The following NFIA variants were observed in gnomAD, a reference collection of about 807,000 sequenced individuals.
NFIA encodes nuclear factor 1 A-type.
A neutral mutation model predicts 62.8 loss-of-function variants in NFIA; 8 were observed. The ratio of observed to expected loss-of-function variants is 0.13; its 90% CI spans 0.07 to 0.23. NFIA has a LOEUF of 0.23. Among genes scored for constraint, NFIA ranks in the 10% least tolerant of loss-of-function variants. The probability of loss-of-function intolerance (pLI) is 1.00; values close to 1 mark genes in which losing one functional copy is unlikely to be tolerated. For missense variants in NFIA, 410 were observed against 642.1 expected (o/e 0.64, Z 3.91); for synonymous variants, 235 against 238.1 (o/e 0.99, Z 0.12).
intron 2 of NFIA, among the ~76,000 whole-genome samples, chr1:61,109,586 T>C (rs935341782): frequency 4.6e-5 from 7 of 152,006 alleles, no homozygotes; most frequent in South Asian, 2.1e-4. Flanking sequence ...TAAATAAATA[T>C]GAAAAATAAT....
At chr1:61,150,119 T>TA (rs1463638967) in intron 2 of NFIA, among the ~76,000 whole-genome samples, 1 of 152,158 alleles carries the variant, frequency 6.6e-6, no homozygotes, top group African/African-American at 2.4e-5. Context: ...GCAAGACCTT[T>TA]AAAAAATACA....
rs755426214 is a variant in NFIA, at chr1:61,185,635, CTTTTTTT to C, written c.560-91870_560-91864del. On this transcript the variant is annotated intron_variant, in intron 2 of 10. Transcript: ENST00000403491. ...TTCTGTATCTACCTTTCTAACCCCA[CTTTTTTT>C]TTTTTTTTTTTTTTAACCGTGACTC... is the stretch of plus-strand genomic sequence containing the variant. Among the ~76,000 whole-genome samples the C allele has an allele frequency of 1.5e-3, 192 of 130,674 alleles. 1 individual carries two copies. Among genetic ancestry groups the C allele is most frequent in the African/African-American group, 5.3e-3 (183 of 34,580 alleles). The allele number at this position is 130,674 out of a possible 152,430, so 85.7% of individuals were successfully genotyped here.
At chr1:61,377,463 AAC>A (rs1032000875) in intron 6 of NFIA, among the ~76,000 whole-genome samples, 3 of 152,142 alleles carry the variant, frequency 2.0e-5, no homozygotes, top group Non-Finnish European at 4.4e-5. Flanking sequence ...TTCTGGTAAT[AAC>A]AGTTATAAAA....
At chr1:61,090,517 C>T (rs760452673) in intron 2 of NFIA, among the ~76,000 whole-genome samples, 3 of 152,170 alleles carry the variant, frequency 2.0e-5, no homozygotes, top group African/African-American at 7.2e-5. Context: ...GTTCTCATTA[C>T]GTGCCTTCTT....
chr1:61,179,239 T>C (rs1346702524), intron 2 of NFIA, among the ~76,000 whole-genome samples: 1 of 152,236 alleles, frequency 6.6e-6, no homozygotes, highest in Non-Finnish European at 1.5e-5. Flanking sequence ...CTGATAAAGA[T>C]GCATCCAGAC....
chr1:61,404,292 C>T lies in NFIA; in HGVS notation c.1254+10C>T, dbSNP rs1484290538. On this transcript the variant is annotated intron_variant, in intron 8 of 10. Transcript: ENST00000403491. Reference sequence around the variant, plus strand: ...GGTGGGGTTCCTCAATGTAAGGAAACCTCTTTTTTTCCATTTCTTTAGAAA... The same window carrying T: ...GGTGGGGTTCCTCAATGTAAGGAAATCTCTTTTTTTCCATTTCTTTAGAAA... 3 of 1,590,658 alleles carry T rather than the reference C, an allele frequency of 1.9e-6. No individual in the cohort carries two copies. Among genetic ancestry groups the T allele is most frequent in the Non-Finnish European group, 2.6e-6 (3 of 1,170,570 alleles).
chr1:61,234,332 G>GC (rs1336205002), intron 2 of NFIA, among the ~76,000 whole-genome samples: 1 of 136,488 alleles, frequency 7.3e-6, no homozygotes, highest in Non-Finnish European at 1.5e-5. Flanking sequence ...GTGCCATTGC[G>GC]CCCCAGCCTG....
At chr1:61,188,228 T>G (rs1370349907) in intron 2 of NFIA, among the ~76,000 whole-genome samples, 2 of 151,966 alleles carry the variant, frequency 1.3e-5, no homozygotes, top group African/African-American at 4.8e-5. Context: ...GTATTTTTGG[T>G]AGAGATGGGA....
chr1:61,150,380 A>G (rs1398031803), intron 2 of NFIA, among the ~76,000 whole-genome samples: 1 of 152,180 alleles, frequency 6.6e-6, no homozygotes, highest in African/African-American at 2.4e-5. Flanking sequence ...GGCTGGTCTT[A>G]CTGTTCTAAG....
At chr1:61,182,450 A>T (rs1473738127) in intron 2 of NFIA, among the ~76,000 whole-genome samples, 2 of 152,264 alleles carry the variant, frequency 1.3e-5, no homozygotes, top group African/African-American at 4.8e-5. Context: ...AATGAAATTG[A>T]TGCATGATTT....
chr1:61,180,791 G>A (rs532331018), intron 2 of NFIA, among the ~76,000 whole-genome samples: 62 of 152,336 alleles, frequency 4.1e-4, no homozygotes, highest in Non-Finnish European at 7.6e-4. Context: ...TTAAGGACCA[G>A]TGCTTGAATT....
intron 2 of NFIA, among the ~76,000 whole-genome samples, chr1:61,103,737 T>G (rs780766122): frequency 6.6e-6 from 1 of 152,168 alleles, no homozygotes; most frequent in African/African-American, 2.4e-5. Context: ...GCATTTACCT[T>G]AGGACTGAAT....
At chr1:61,443,658 C>G (rs1667684606) in intron 10 of NFIA, among the ~76,000 whole-genome samples, 1 of 152,174 alleles carries the variant, frequency 6.6e-6, no homozygotes, top group Admixed American at 6.5e-5. Flanking sequence ...CCTGAGGTTA[C>G]AGTTACTATT....
intron 2 of NFIA, among the ~76,000 whole-genome samples, chr1:61,106,174 A>G (rs914011519): frequency 6.6e-6 from 1 of 151,664 alleles, no homozygotes; most frequent in South Asian, 2.1e-4. Flanking sequence ...CTTCATATAT[A>G]TGATATATGA....
At chr1:61,180,928 C>T (rs1436867662) in intron 2 of NFIA, among the ~76,000 whole-genome samples, 1 of 152,148 alleles carries the variant, frequency 6.6e-6, no homozygotes, top group African/African-American at 2.4e-5. Context: ...ATCTTAAACC[C>T]ATTGGAAGTT....
chr1:61,233,071 A>G (rs1654775752), intron 2 of NFIA, among the ~76,000 whole-genome samples: 1 of 152,082 alleles, frequency 6.6e-6, no homozygotes, highest in Non-Finnish European at 1.5e-5. Context: ...TGGACTCTGG[A>G]GCACTGCTTT....
At chr1:61,305,960 G>T (rs572982201) in intron 3 of NFIA, among the ~76,000 whole-genome samples, 7 of 150,622 alleles carry the variant, frequency 4.6e-5, no homozygotes, top group Non-Finnish European at 7.4e-5. Flanking sequence ...CCATTCTCCT[G>T]CATCAGCCTC....
intron 2 of NFIA, among the ~76,000 whole-genome samples, chr1:61,235,462 C>CT (rs1412176960): frequency 4.3e-5 from 4 of 93,098 alleles, no homozygotes; most frequent in African/African-American, 2.4e-4. Flanking sequence ...GACTCCATCT[C>CT]AAAATAAATA....
Position 61,383,260 on chromosome 1 carries a change from AAGAAGTCGG to A in NFIA, c.978_986del (p.Glu327_Ser329del). The A allele has an allele frequency of 6.2e-7, 1 of 1,614,034 alleles. No individual in the cohort carries two copies. Among genetic ancestry groups the A allele is most frequent in the Non-Finnish European group, 8.5e-7 (1 of 1,179,926 alleles). ...AGGAATGCCATCTCCAACCACACTG[AAGAAGTCGG>A]AGAAGTCTGGTTTCAGCAGCCCCTC... On this transcript the variant is annotated inframe_deletion, in exon 7 of 11. Transcript: ENST00000403491.
Sources: gnomAD v4.1 joint callset for allele counts (sites outside exome capture counted in the v4.1 genomes callset) on GRCh38, gnomAD v4.1.1 for gene constraint, MANE v1.5 for transcripts, NCBI Gene and HGNC (gene_info 2026-07-23, HGNC 2026-07-21) for gene names.